HDAC5: variants seen among roughly 807,000 people sequenced by gnomAD.
The protein encoded by HDAC5 is antigen NY-CO-9.
A neutral mutation model predicts 133.3 loss-of-function variants in HDAC5; 25 were observed. That is an observed-to-expected ratio of 0.19 (90% confidence interval 0.14 to 0.26). The LOEUF is 0.26. HDAC5 is among the 10% of genes least tolerant of loss of function. HDAC5 has a pLI of 1.00. For synonymous variants in HDAC5, 589 were observed against 610.8 expected (o/e 0.96, Z 0.53); for missense variants, 1,041 against 1,460.5 (o/e 0.71, Z 4.68).
intron 3 of HDAC5, among the ~76,000 whole-genome samples, chr17:44,104,291 G>A (rs901366628): frequency 2.6e-5 from 4 of 151,948 alleles, no homozygotes; most frequent in African/African-American, 4.8e-5. Context: ...GCAACAGAGC[G>A]AGACTCTGTC....
In HDAC5 at chr17:44,093,754, G is replaced by C; in HGVS notation, c.175C>G (p.Leu59Val). 1 of 1,599,622 alleles carries C rather than the reference G, an allele frequency of 6.3e-7. No individual in the cohort carries two copies. The highest frequency in any genetic ancestry group is 8.5e-7 in the Non-Finnish European group (1 of 1,172,624). ...GGGGSPSPVELRGALVGSVDP... is the reference protein window; with the variant it reads ...GGGGSPSPVEVRGALVGSVDP... ...ACAGAGCCCACCAGAGCCCCCCGTA[G>C]CTCCACAGGGCTGGGGCTGCCTCCA... The change falls in exon 4 of 27, where the codon CTA becomes GTA. Residue 59 changes from leucine (L) to valine (V), a missense_variant. This residue lies in a region of HDAC5 where 93 missense variants were observed against 98.8 expected (regional missense o/e 0.94). Coordinates refer to ENST00000682912, the MANE Select transcript of HDAC5 (RefSeq NM_005474.5).
At chr17:44,111,018 T>G in intron 2 of HDAC5, 1 of 554,620 alleles carries the variant, frequency 1.8e-6, no homozygotes, top group Non-Finnish European at 3.3e-6. Flanking sequence ...TGGGCACTCC[T>G]GGCGGCAGGA....
At chr17:44,104,352 T>C (rs1275620223) in intron 3 of HDAC5, among the ~76,000 whole-genome samples, 1 of 152,066 alleles carries the variant, frequency 6.6e-6, no homozygotes, top group Non-Finnish European at 1.5e-5. Flanking sequence ...TAAAATGAAA[T>C]ACTTAAGAAT....
intron 12 of HDAC5, 21 bp downstream of exon 12, chr17:44,088,366 C>G: frequency 6.5e-7 from 1 of 1,545,794 alleles, no homozygotes; most frequent in Non-Finnish European, 8.7e-7. Flanking sequence ...AGCCCCAGGC[C>G]ATTCACCTTT....
At chr17:44,104,206 G>A (rs2051794515) in intron 3 of HDAC5, among the ~76,000 whole-genome samples, 1 of 152,002 alleles carries the variant, frequency 6.6e-6, no homozygotes, top group African/African-American at 2.4e-5. Context: ...TCGGGAGACT[G>A]AGGCAGGAGA....
At chr17:44,099,072 C>T (rs748430677) in intron 3 of HDAC5, among the ~76,000 whole-genome samples, 23 of 151,994 alleles carry the variant, frequency 1.5e-4, no homozygotes, top group East Asian at 1.9e-4. Flanking sequence ...GCCAAGATCG[C>T]GACATTGCAC....
At position 44,082,916 on chromosome 17, in the gene HDAC5, G is replaced by T. The variant is rs113536871; in HGVS notation, c.2464-96C>A. 459 of 1,054,796 alleles carry T rather than the reference G, an allele frequency of 4.4e-4. 3 individuals carry two copies. In the African/African-American group the frequency reaches 6.6e-3, roughly 15 times the overall value. The allele number at this position is 1,054,796 out of a possible 1,614,324, so 65.3% of individuals were successfully genotyped here. A position where few individuals can be genotyped will look rare whatever the true frequency, so the allele number is the denominator to read the frequency against. ...AGAAGCACAAGCCAGGCAGGGAAGT[G>T]AACACAAACCAGAAAAGCAGATCCA... On this transcript the variant is annotated intron_variant, in intron 18 of 26. Transcript: ENST00000682912.
At position 44,080,839 on chromosome 17, in the gene HDAC5, T is replaced by A. The variant is rs2050355424; in HGVS notation, c.2651A>T (p.Asp884Val). Reference sequence around the variant, plus strand: ...CAGAGAGATGTAGAGCACAGAGGGGTCATTGTAGAACGCCTGCTGGGTGCC... The same window carrying A: ...CAGAGAGATGTAGAGCACAGAGGGGACATTGTAGAACGCCTGCTGGGTGCC... ...GNGTQQAFYNDPSVLYISLHR... is the reference protein window; with the variant it reads ...GNGTQQAFYNVPSVLYISLHR... The change falls in exon 21 of 27, where the codon GAC becomes GTC. Residue 884 changes from aspartate (D) to valine (V), a missense_variant. Asp to Val is a radical substitution (Grantham distance 152, BLOSUM62 -3). This residue lies in a region of HDAC5 where 174 missense variants were observed against 352.7 expected (regional missense o/e 0.49). Coordinates refer to ENST00000682912, the MANE Select transcript of HDAC5 (RefSeq NM_005474.5). The A allele has an allele frequency of 6.2e-7, 1 of 1,614,054 alleles. No individual in the cohort carries two copies. The highest frequency in any genetic ancestry group is 1.3e-5 in the African/African-American group (1 of 75,006).
At chr17:44,112,492 A>G (rs2052404123) in intron 2 of HDAC5, among the ~76,000 whole-genome samples, 1 of 151,260 alleles carries the variant, frequency 6.6e-6, no homozygotes, top group Non-Finnish European at 1.5e-5. Context: ...CTGATGTCAC[A>G]GTTGCTATTT....
At chr17:44,104,219 C>T (rs1316333546) in intron 3 of HDAC5, among the ~76,000 whole-genome samples, 1 of 151,920 alleles carries the variant, frequency 6.6e-6, no homozygotes, top group African/African-American at 2.4e-5. Flanking sequence ...GCAGGAGAAT[C>T]GCTTGAACCC....
chr17:44,104,303 C>CA (rs1167012814), intron 3 of HDAC5, among the ~76,000 whole-genome samples: 3 of 149,668 alleles, frequency 2.0e-5, no homozygotes, highest in Non-Finnish European at 3.0e-5. Flanking sequence ...GACTCTGTCT[C>CA]AAAAAAAAAT....
Position 44,093,111 on chromosome 17 carries a change from G to C in HDAC5, c.622C>G (p.Pro208Ala). ...CATTACCAGCATTTGGGGTGCTGTG[G>C]GAGGGAATGGTTGAGGCCGCCTGGT... ...PTPGGLNHSL[P>A]QHPKCWGAHH... The change falls in exon 6 of 27, where the codon CCA becomes GCA. Residue 208 changes from proline to alanine, a missense_variant. By Grantham distance (27) the Pro-to-Ala change is conservative. Around this residue, in one of 9 missense-constraint regions of HDAC5, gnomAD observed 109 missense variants for 168.0 expected, o/e 0.65. Coordinates refer to ENST00000682912, the MANE Select transcript of HDAC5 (RefSeq NM_005474.5). 6.2e-7 allele frequency: 1 copy of C among 1,612,790 alleles called. No homozygotes were observed. Among genetic ancestry groups the C allele is most frequent in the Non-Finnish European group, 8.5e-7 (1 of 1,179,248 alleles).
rs1049080164 is a variant in HDAC5, at chr17:44,077,738, G to T, written c.*638C>A. The T allele has an allele frequency of 6.6e-6, 1 of 152,372 alleles. No individual in the cohort carries two copies. Among genetic ancestry groups the T allele is most frequent in the Non-Finnish European group, 1.5e-5 (1 of 68,144 alleles). 9.4% of individuals were successfully genotyped at this position (152,372 alleles called of 1,614,324 possible). A position where few individuals can be genotyped will look rare whatever the true frequency, so the allele number is the denominator to read the frequency against. Reference sequence around the variant, plus strand: ...GGAAGTAGGCTGTGAGGAGTGTGAGGCAAGACAGCCCTCCTCACAGACTGC... The same window carrying T: ...GGAAGTAGGCTGTGAGGAGTGTGAGTCAAGACAGCCCTCCTCACAGACTGC... On this transcript the variant is annotated 3_prime_UTR_variant, in exon 27 of 27. Coordinates refer to ENST00000682912, the MANE Select transcript of HDAC5 (RefSeq NM_005474.5).
intron 3 of HDAC5, among the ~76,000 whole-genome samples, chr17:44,101,036 G>A (rs2051574177): frequency 6.7e-6 from 1 of 150,368 alleles, no homozygotes; most frequent in Admixed American, 6.6e-5. Flanking sequence ...TGATCCGCCC[G>A]CCTCAGCCTC....
At chr17:44,089,482 C>T (rs950685371) in intron 11 of HDAC5, among the ~76,000 whole-genome samples, 10 of 152,184 alleles carry the variant, frequency 6.6e-5, no homozygotes, top group Non-Finnish European at 1.2e-4. Flanking sequence ...CAGTGGCTCA[C>T]GCCTGTAATT....
Position 44,102,654 on chromosome 17 carries a change from G to A in HDAC5, c.94+8075C>T, listed in dbSNP as rs181673327. On this transcript the variant is annotated intron_variant, in intron 3 of 26. Transcript: ENST00000682912. ...GATTACAGGCATGAGCCATATGCCCGGCCAGGTTCTCTCTTTTTTTTTTTT... is the reference window on the plus strand; with the variant it reads ...GATTACAGGCATGAGCCATATGCCCAGCCAGGTTCTCTCTTTTTTTTTTTT... Among the ~76,000 whole-genome samples, 485 of 143,998 alleles carry A rather than the reference G, an allele frequency of 3.4e-3. 2 individuals are homozygous for A. Among genetic ancestry groups the A allele is most frequent in the African/African-American group, 0.011 (443 of 39,336 alleles). The allele number at this position is 143,998 out of a possible 152,430, so 94.5% of individuals were successfully genotyped here. A position where few individuals can be genotyped will look rare whatever the true frequency, so the allele number is the denominator to read the frequency against.
chr17:44,078,351 G>A lies in HDAC5; in HGVS notation c.*25C>T. 2 of 1,526,638 alleles carry A rather than the reference G, an allele frequency of 1.3e-6. No individual in the cohort carries two copies. The highest frequency in any genetic ancestry group is 1.8e-6 in the Non-Finnish European group (2 of 1,140,468). 94.6% of individuals were successfully genotyped at this position (1,526,638 alleles called of 1,614,324 possible). A position where few individuals can be genotyped will look rare whatever the true frequency, so the allele number is the denominator to read the frequency against. The stretch of plus-strand genomic sequence containing the variant: ...AAATAAACAAAATCACAATGGTGAA[G>A]CCCAGAGGGATGGGGGCCGGGGCGT... On this transcript the variant is annotated 3_prime_UTR_variant, in exon 27 of 27. Transcript: ENST00000682912.
chr17:44,102,185 G>A (rs2051655443), intron 3 of HDAC5, among the ~76,000 whole-genome samples: 1 of 152,170 alleles, frequency 6.6e-6, no homozygotes, highest in African/African-American at 2.4e-5. Context: ...CTGACATCTA[G>A]CCCAAGCTCC....
At chr17:44,108,849 C>T (rs1025671956) in intron 3 of HDAC5, among the ~76,000 whole-genome samples, 5 of 151,666 alleles carry the variant, frequency 3.3e-5, no homozygotes, top group African/African-American at 1.2e-4. Flanking sequence ...ATCAGAGCTG[C>T]GCAGGGGGAA....
Sources: gnomAD v4.1 joint callset for allele counts (sites outside exome capture counted in the v4.1 genomes callset) on GRCh38, gnomAD v4.1.1 for gene constraint, gnomAD v4.1.1 regional missense constraint, MANE v1.5 for transcripts, NCBI Gene and HGNC (gene_info 2026-07-23, HGNC 2026-07-21) for gene names.